NT5DC3: variants seen among roughly 807,000 people sequenced by gnomAD.
NT5DC3 encodes 5'-nucleotidase domain-containing protein 3.
Under a neutral mutation model 67.8 loss-of-function variants are expected in NT5DC3, and 42 were observed. That is an observed-to-expected ratio of 0.62 (90% CI 0.48 to 0.80). NT5DC3 has a LOEUF of 0.80. NT5DC3 is among the 30% of genes least tolerant of loss of function. The probability of loss-of-function intolerance (pLI) is 0.00; values close to 1 mark genes in which losing one functional copy is unlikely to be tolerated. For synonymous variants in NT5DC3, 237 were observed against 255.6 expected, an observed-to-expected ratio of 0.93 and a Z score of 0.69; for missense variants, 570 against 696.4, an observed-to-expected ratio of 0.82 and a Z score of 2.04.
intron 4 of NT5DC3, among the ~76,000 whole-genome samples, chr12:103,801,372 C>CCTTTTTTTT (rs1886567309): frequency 3.0e-4 from 24 of 78,936 alleles, no homozygotes; most frequent in African/African-American, 1.2e-3. Context: ...TTGGGGTGGG[C>CCTTTTTTTT]TTTTTTTTTT....
the NT5DC3 span, among the ~76,000 whole-genome samples, chr12:103,763,121 G>C: frequency 0.27 from 41,148 of 152,122 alleles, 5,878 homozygotes; most frequent in South Asian, 0.47. Flanking sequence ...AAAGTGTATA[G>C]GCTGTATGAC....
At chr12:103,784,282 C>G (rs756177785) in intron 12 of NT5DC3, among the ~76,000 whole-genome samples, 1 of 152,174 alleles carries the variant, frequency 6.6e-6, no homozygotes, top group Non-Finnish European at 1.5e-5. Context: ...AGAATAAATC[C>G]TCATCAGAGG....
chr12:103,783,352 G>A (rs1397452781), intron 12 of NT5DC3, among the ~76,000 whole-genome samples: 2 of 152,128 alleles, frequency 1.3e-5, no homozygotes, highest in Non-Finnish European at 2.9e-5. Flanking sequence ...GTCTAGAGTC[G>A]GTCGGCCTGT....
At chr12:103,822,717 G>GT (rs1887542057) in intron 1 of NT5DC3, among the ~76,000 whole-genome samples, 1 of 152,182 alleles carries the variant, frequency 6.6e-6, no homozygotes. Flanking sequence ...ACTCCTTGCT[G>GT]TTTAAGAATA....
chr12:103,818,813 T>C (rs1887371902), intron 1 of NT5DC3, among the ~76,000 whole-genome samples: 1 of 152,184 alleles, frequency 6.6e-6, no homozygotes, highest in Non-Finnish European at 1.5e-5. Context: ...CTCTTTGATA[T>C]CTAATACTGA....
chr12:103,799,512 A>T (rs1218036647), intron 4 of NT5DC3, among the ~76,000 whole-genome samples: 2 of 152,112 alleles, frequency 1.3e-5, no homozygotes, highest in Non-Finnish European at 2.9e-5. Context: ...TTCTGCCATG[A>T]TTGTGAGGCC....
chr12:103,785,751 TAAAAAAAAAAAAA>T (rs201632707), intron 11 of NT5DC3: 102,904 of 358,936 alleles, frequency 0.29, 4,932 homozygotes, highest in East Asian at 0.39. Flanking sequence ...CCATGGTCTG[TAAAAAAAAAAAAA>T]AAAAAAAAAA....
At position 103,784,955 on chromosome 12, in the gene NT5DC3, G is replaced by A. The variant is rs1041886907; in HGVS notation, c.1329+380C>T. Among the ~76,000 whole-genome samples, 6 of 152,076 alleles carry A rather than the reference G, an allele frequency of 3.9e-5. No homozygotes were observed. The East Asian group carries it at 9.6e-4, about 24-fold the overall frequency. On this transcript the variant is annotated intron_variant, in intron 12 of 13. Coordinates refer to ENST00000392876, the MANE Select transcript of NT5DC3 (RefSeq NM_001031701.3). ...CCTAGACTGAAGTTTTCGTTCCAGC[G>A]GCCCCTTTATTTCACAGATGGGGAA...
intron 1 of NT5DC3, among the ~76,000 whole-genome samples, chr12:103,828,084 A>G (rs1887770587): frequency 6.6e-6 from 1 of 152,264 alleles, no homozygotes; most frequent in Non-Finnish European, 1.5e-5. Context: ...GACAAACTAG[A>G]GTGAAAGCAA....
intron 11 of NT5DC3, among the ~76,000 whole-genome samples, chr12:103,786,759 T>C (rs961421083): frequency 2.0e-5 from 3 of 149,754 alleles, no homozygotes; most frequent in Non-Finnish European, 3.0e-5. Context: ...CTCAGCTCAC[T>C]GCAGTTTCCA....
At chr12:103,753,986 A>G in the NT5DC3 span, among the ~76,000 whole-genome samples, 1 of 152,296 alleles carries the variant, frequency 6.6e-6, no homozygotes, top group Non-Finnish European at 1.5e-5. Flanking sequence ...CTTAACCTCT[A>G]AAACTAGAAG....
At chr12:103,751,157 C>T in the NT5DC3 span, among the ~76,000 whole-genome samples, 1 of 152,184 alleles carries the variant, frequency 6.6e-6, no homozygotes, top group African/African-American at 2.4e-5. Flanking sequence ...TATGGCTAAT[C>T]AGTATGTACT....
At chr12:103,755,269 A>T in the NT5DC3 span, 20 of 1,606,978 alleles carry the variant, frequency 1.2e-5, no homozygotes, top group Non-Finnish European at 1.6e-5. Flanking sequence ...ATGAACTTGC[A>T]GCTGACCCAT....
intron 4 of NT5DC3, among the ~76,000 whole-genome samples, chr12:103,801,383 T>C (rs2139371979): frequency 7.7e-6 from 1 of 130,192 alleles, no homozygotes; most frequent in Admixed American, 7.4e-5. Flanking sequence ...TTTTTTTTTT[T>C]TTTTTTTTTT....
At chr12:103,768,637 GAGAGAGAGAGAGAGAGGGAA>G (rs1278980440), downstream of NT5DC3, among the ~76,000 whole-genome samples, 14 of 123,350 alleles carry the variant, frequency 1.1e-4, no homozygotes, top group African/African-American at 3.8e-4. Flanking sequence ...GAGGGAGTGA[GAGAGAGAGAGAGAGAGGGAA>G]AGAGAGAGAA....
At chr12:103,831,525 G>GCC (rs563976934) in intron 1 of NT5DC3, among the ~76,000 whole-genome samples, 1 of 151,922 alleles carries the variant, frequency 6.6e-6, no homozygotes, top group African/African-American at 2.4e-5. Context: ...TCCAAAACCT[G>GCC]CCCCCCCACA....
intron 12 of NT5DC3, among the ~76,000 whole-genome samples, chr12:103,782,132 G>C (rs923202088): frequency 6.6e-6 from 1 of 152,252 alleles, no homozygotes; most frequent in African/African-American, 2.4e-5. Flanking sequence ...CATTTTGGGA[G>C]GCCAAGGCAG....
chr12:103,823,700 A>C (rs542082715), intron 1 of NT5DC3, among the ~76,000 whole-genome samples: 2 of 151,706 alleles, frequency 1.3e-5, no homozygotes, highest in South Asian at 4.2e-4. Context: ...GAAAACATCA[A>C]GGTTTCAAAA....
At chr12:103,781,921 A>T (rs903326152) in intron 12 of NT5DC3, among the ~76,000 whole-genome samples, 1 of 152,202 alleles carries the variant, frequency 6.6e-6, no homozygotes, top group African/African-American at 2.4e-5. Flanking sequence ...GATTGGCTAC[A>T]TATCTTTGCC....
Sources: allele counts gnomAD v4.1 joint callset (sites outside exome capture counted in the v4.1 genomes callset), GRCh38; gene constraint gnomAD v4.1.1; transcripts MANE v1.5; gene names NCBI Gene and HGNC (gene_info 2026-07-23, HGNC 2026-07-21).